The following IGLL5 variants were observed in gnomAD, a reference collection of about 807,000 sequenced individuals.
The protein encoded by IGLL5 is immunoglobulin lambda like polypeptide 5, also known as immunoglobulin lambda-like polypeptide 5.
In IGLL5, 30 loss-of-function variants were observed where a neutral mutation model predicts 20.9. The observed-to-expected ratio is 1.44, with a 90% CI of 1.07 to 1.95. The LOEUF (loss-of-function observed/expected upper bound fraction) is 1.95, where lower values mean the gene tolerates loss of function less well. Among genes scored for constraint, IGLL5 ranks in the 30% most tolerant of loss-of-function variants. IGLL5 has a pLI of 0.00. For synonymous variants in IGLL5, 203 were observed against 117.3 expected, an observed-to-expected ratio of 1.73 and a Z score of -4.72; for missense variants, 475 against 270.7, an observed-to-expected ratio of 1.75 and a Z score of -5.30.
intron 1 of IGLL5, among the ~76,000 whole-genome samples, chr22:22,888,925 A>T (rs1416701385): frequency 1.3e-5 from 2 of 151,278 alleles, no homozygotes; most frequent in East Asian, 2.0e-4. Flanking sequence ...CTGGCTGGTG[A>T]TGGGTGCCCC....
At chr22:22,894,655 G>T (rs1447296317) in intron 2 of IGLL5, among the ~76,000 whole-genome samples, 1 of 149,588 alleles carries the variant, frequency 6.7e-6, no homozygotes. Context: ...GAAGTTTGGG[G>T]TCATCACAGG....
At chr22:22,893,968 A>G (rs527896081) in intron 2 of IGLL5, 150 bp downstream of exon 2, 21 of 680,410 alleles carry the variant, frequency 3.1e-5, no homozygotes, top group Admixed American at 1.1e-4. Flanking sequence ...GAGGTGCATT[A>G]GTCTCCGGGT....
rs777349722 is a variant in IGLL5 at position 22,888,132 on chromosome 22, C to A, written c.79C>A (p.Leu27Met). 10 of 1,549,644 alleles carry A rather than the reference C, an allele frequency of 6.5e-6. No homozygotes were observed. Among genetic ancestry groups the A allele is most frequent in the East Asian group, 2.5e-5 (1 of 40,692 alleles). The stretch of plus-strand genomic sequence containing the variant: ...TGGTCCCAGGCAGCGCTGGCCCCTG[C>A]TGCTGCTGGGTCTGGCCATGGTCGC... ...GPGPRQRWPL[L>M]LLGLAMVAHG... The change falls in exon 1 of 3, where the codon CTG (leucine) becomes ATG (methionine). Residue 27 changes from leucine (L) to methionine (M), a missense_variant. By Grantham distance (15) the Leu-to-Met change is conservative. Coordinates refer to ENST00000526893, the MANE Select transcript of IGLL5 (RefSeq NM_001178126.2).
intron 1 of IGLL5, among the ~76,000 whole-genome samples, chr22:22,888,732 T>C (rs565607352): frequency 1.3e-5 from 2 of 151,416 alleles, no homozygotes; most frequent in African/African-American, 4.8e-5. Context: ...CAAGGCTGTC[T>C]GTTCACCAAC....
chr22:22,894,097 G>GGGACAGA (rs2146034008), intron 2 of IGLL5, among the ~76,000 whole-genome samples: 1 of 151,480 alleles, frequency 6.6e-6, no homozygotes, highest in Non-Finnish European at 1.5e-5. Context: ...GTCTGAGTGA[G>GGGACAGA]GGACAGAGGC....
At chr22:22,894,100 A>G (rs528633374) in intron 2 of IGLL5, among the ~76,000 whole-genome samples, 10 of 151,376 alleles carry the variant, frequency 6.6e-5, no homozygotes, top group Middle Eastern at 3.8e-3. Flanking sequence ...TGAGTGAGGG[A>G]CAGAGGCTGG....
chr22:22,893,935 A>T (rs1454657314), intron 2 of IGLL5, 117 bp downstream of exon 2: 24 of 775,402 alleles, frequency 3.1e-5, no homozygotes, highest in Middle Eastern at 4.6e-4. Context: ...ACTGACCCTT[A>T]CCTTTCTCCA....
At chr22:22,891,933 T>G (rs965237672) in intron 1 of IGLL5, among the ~76,000 whole-genome samples, 1 of 151,260 alleles carries the variant, frequency 6.6e-6, no homozygotes, top group African/African-American at 2.4e-5. Flanking sequence ...GTGTGTTTAG[T>G]TAACTATCAC....
chr22:22,893,660 G>T, intron 1 of IGLL5, 40 bp from the exon 2 acceptor site: 1 of 1,353,142 alleles, frequency 7.4e-7, no homozygotes, highest in Admixed American at 1.9e-5. Flanking sequence ...CTAGGTCCCA[G>T]CCCCGCCCAC....
intron 1 of IGLL5, among the ~76,000 whole-genome samples, chr22:22,891,143 C>T (rs1329014160): frequency 6.6e-6 from 1 of 151,076 alleles, no homozygotes; most frequent in Non-Finnish European, 1.5e-5. Context: ...CTGTGACCTC[C>T]ACCATGTGTA....
In IGLL5 at chr22:22,895,699, C is replaced by T. The variant is rs374570777; in HGVS notation, c.*5C>T. On this transcript the variant is annotated 3_prime_UTR_variant, in exon 3 of 3. Coordinates refer to ENST00000526893, the MANE Select transcript of IGLL5 (RefSeq NM_001178126.2). ...GCCCCTACAGAATGTTCATAGGTTC[C>T]CAACTCTAACCCCACCCACGGGAGC... 1.7e-5 allele frequency: 28 copies of T among 1,612,836 alleles called. No homozygotes were observed. The East Asian group carries it at 3.4e-4, about 19-fold the overall frequency.
chr22:22,888,960 A>G (rs2067669630), intron 1 of IGLL5, among the ~76,000 whole-genome samples: 2 of 151,320 alleles, frequency 1.3e-5, no homozygotes, highest in South Asian at 4.2e-4. Flanking sequence ...GCGTCAGAGG[A>G]GAGGAGAGCA....
Position 22,895,644 on chromosome 22 carries a change from C to T in IGLL5, c.595C>T (p.His199Tyr). 6.2e-7 allele frequency: 1 copy of T among 1,613,358 alleles called. No individual in the cohort carries two copies. Among genetic ancestry groups the T allele is most frequent in the African/African-American group, 1.3e-5 (1 of 74,896 alleles). Reference sequence around the variant, plus strand: ...CAGAAGCTACAGCTGCCAGGTCACGCATGAAGGGAGCACCGTGGAGAAGAC... The same window carrying T: ...CAGAAGCTACAGCTGCCAGGTCACGTATGAAGGGAGCACCGTGGAGAAGAC... ...SHRSYSCQVT[H>Y]EGSTVEKTVA... The change falls in exon 3 of 3, where the codon CAT (histidine) becomes TAT (tyrosine). Residue 199 changes from histidine (H) to tyrosine (Y), a missense_variant. By Grantham distance (83) the His-to-Tyr change is moderately conservative. Coordinates refer to ENST00000526893, the MANE Select transcript of IGLL5 (RefSeq NM_001178126.2).
At chr22:22,891,719 TTTG>T (rs2067852840) in intron 1 of IGLL5, among the ~76,000 whole-genome samples, 1 of 151,186 alleles carries the variant, frequency 6.6e-6, no homozygotes, top group Non-Finnish European at 1.5e-5. Flanking sequence ...TCTTGCACAC[TTTG>T]TTTTTTATTC....
chr22:22,894,991 A>G (rs2066714366), intron 2 of IGLL5, among the ~76,000 whole-genome samples: 2 of 151,484 alleles, frequency 1.3e-5, no homozygotes, highest in South Asian at 2.1e-4. Flanking sequence ...AGGTCCTGGA[A>G]GAATAAAGTG....
chr22:22,894,746 T>C (rs1601628439), intron 2 of IGLL5, among the ~76,000 whole-genome samples: 2 of 151,086 alleles, frequency 1.3e-5, no homozygotes, highest in African/African-American at 4.9e-5. Context: ...AAGGGTTCTG[T>C]GGTCGGGCTT....
chr22:22,887,982 G>T lies in IGLL5; in HGVS notation c.-72G>T. 1 of 1,229,776 alleles carries T rather than the reference G, an allele frequency of 8.1e-7. No individual in the cohort carries two copies. The highest frequency in any genetic ancestry group is 2.0e-5 in the Admixed American group (1 of 50,392). 76.2% of individuals were successfully genotyped at this position (1,229,776 alleles called of 1,614,324 possible). On this transcript the variant is annotated 5_prime_UTR_variant, in exon 1 of 3. Transcript: ENST00000526893. Reference sequence around the variant, plus strand: ...ACTGTAACAGCCCTGCTGGCGAGAGGGACCAGGGCACCGTCCTCCAGGGAG... The same window carrying T: ...ACTGTAACAGCCCTGCTGGCGAGAGTGACCAGGGCACCGTCCTCCAGGGAG...
chr22:22,894,891 T>G (rs568628582), intron 2 of IGLL5, among the ~76,000 whole-genome samples: 2 of 151,110 alleles, frequency 1.3e-5, no homozygotes, highest in South Asian at 2.1e-4. Context: ...GAAGCTCCAG[T>G]TCAAAGCAGG....
chr22:22,887,928 G>T lies in IGLL5; in HGVS notation c.-126G>T, dbSNP rs570951413. On this transcript the variant is annotated 5_prime_UTR_variant, in exon 1 of 3. The change creates a premature stop within an existing upstream ORF in the 5' untranslated region. Transcript: ENST00000526893. The stretch of plus-strand genomic sequence containing the variant: ...GGACAGGGACCAGAGCCAGTCCAGG[G>T]AGAGGACAGAGCCAATGGACTGGGG... 1.3e-6 allele frequency: 1 copy of T among 789,394 alleles called. No individual in the cohort carries two copies. The highest frequency in any genetic ancestry group is 2.2e-6 in the Non-Finnish European group (1 of 457,756). 48.9% of individuals were successfully genotyped at this position (789,394 alleles called of 1,614,324 possible). A position where few individuals can be genotyped will look rare whatever the true frequency, so the allele number is the denominator to read the frequency against.
Sources: allele counts gnomAD v4.1 joint callset (sites outside exome capture counted in the v4.1 genomes callset), GRCh38; gene constraint gnomAD v4.1.1; transcripts MANE v1.5; gene names NCBI Gene and HGNC (gene_info 2026-07-23, HGNC 2026-07-21).